SNX9: variants seen among roughly 807,000 people sequenced by gnomAD.
SNX9 encodes sorting nexin-9.
In SNX9, 44 loss-of-function variants were observed where a neutral mutation model predicts 89.4. The observed-to-expected ratio is 0.49, with a 90% CI of 0.39 to 0.63. The LOEUF (loss-of-function observed/expected upper bound fraction) is 0.63, where lower values mean the gene tolerates loss of function less well. Among genes scored for constraint, SNX9 ranks in the 30% least tolerant of loss-of-function variants. The pLI is 0.00. For missense variants in SNX9, 578 were observed against 736.1 expected (o/e 0.79, Z 2.49); for synonymous variants, 236 against 247.8 (o/e 0.95, Z 0.45).
chr6:157,823,380 C>T lies in SNX9; in HGVS notation c.-55C>T. 1 of 1,271,220 alleles carries T rather than the reference C, an allele frequency of 7.9e-7. No homozygotes were observed. Among genetic ancestry groups the T allele is most frequent in the Non-Finnish European group, 1.0e-6 (1 of 1,000,380 alleles). 78.7% of individuals were successfully genotyped at this position (1,271,220 alleles called of 1,614,324 possible). A position where few individuals can be genotyped will look rare whatever the true frequency, so the allele number is the denominator to read the frequency against. ...CCTTTGCCTGCGCGGCTCAGAATCA[C>T]CATCCGCGGCGCGGGAGACGAGCCG... is the stretch of plus-strand genomic sequence containing the variant. On this transcript the variant is annotated 5_prime_UTR_variant, in exon 1 of 18. Transcript: ENST00000392185. The surrounding 1 kb of genome is among the most constrained non-coding windows in gnomAD (Gnocchi z 4.6).
At chr6:157,863,656 A>G (rs73024638) in intron 1 of SNX9, among the ~76,000 whole-genome samples, 1 of 152,168 alleles carries the variant, frequency 6.6e-6, no homozygotes, top group East Asian at 1.9e-4. Flanking sequence ...TGGAAAATAG[A>G]TGGCAGTTGG....
chr6:157,934,233 A>G (rs1468938846), intron 13 of SNX9: 2 of 152,238 alleles, frequency 1.3e-5, no homozygotes, highest in Non-Finnish European at 2.9e-5. Flanking sequence ...CCCCTGCACA[A>G]AACCATGAAA....
chr6:157,871,852 C>G (rs1010905167), intron 2 of SNX9, among the ~76,000 whole-genome samples: 1 of 148,488 alleles, frequency 6.7e-6, no homozygotes, highest in Admixed American at 6.7e-5. Context: ...TCTTGGCTCA[C>G]TGTAACCTCT....
intron 1 of SNX9, among the ~76,000 whole-genome samples, chr6:157,860,646 G>A (rs1782102872): frequency 6.6e-6 from 1 of 152,138 alleles, no homozygotes; most frequent in African/African-American, 2.4e-5. Context: ...GGTGAGTGTG[G>A]GTAGAATGAC....
chr6:157,938,600 T>C, intron 15 of SNX9, 33 bp from the exon 16 acceptor site: 1 of 1,405,804 alleles, frequency 7.1e-7, no homozygotes, highest in Non-Finnish European at 1.0e-6. Context: ...TCATTTCAGC[T>C]TTATTCATAC....
intron 1 of SNX9, among the ~76,000 whole-genome samples, chr6:157,824,248 A>G (rs558862062): frequency 2.8e-4 from 42 of 152,304 alleles, no homozygotes; most frequent in African/African-American, 1.0e-3. Context: ...TGAATTTTCA[A>G]AAGCCACCCT....
chr6:157,884,882 A>G (rs760841668), intron 4 of SNX9, among the ~76,000 whole-genome samples: 4 of 152,180 alleles, frequency 2.6e-5, no homozygotes, highest in Non-Finnish European at 5.9e-5. Context: ...TTAACCTTAA[A>G]ACTGCAGTGA....
chr6:157,893,987 G>A (rs1347710441), intron 4 of SNX9, among the ~76,000 whole-genome samples: 1 of 152,080 alleles, frequency 6.6e-6, no homozygotes, highest in African/African-American at 2.4e-5. Context: ...GATGAAGGCG[G>A]CATTTCAAAT....
chr6:157,848,710 G>T (rs540564324), intron 1 of SNX9, among the ~76,000 whole-genome samples: 41 of 152,324 alleles, frequency 2.7e-4, no homozygotes, highest in African/African-American at 9.4e-4. Context: ...TGCTGAGCAG[G>T]ACTGACAGGG....
At chr6:157,904,439 A>T (rs1783168939) in intron 6 of SNX9, among the ~76,000 whole-genome samples, 1 of 152,032 alleles carries the variant, frequency 6.6e-6, no homozygotes, top group Non-Finnish European at 1.5e-5. Context: ...CTCCAAAAAA[A>T]AAATAAAAGG....
chr6:157,839,201 G>A (rs924215500), intron 1 of SNX9, among the ~76,000 whole-genome samples: 1 of 152,206 alleles, frequency 6.6e-6, no homozygotes, highest in South Asian at 2.1e-4. Flanking sequence ...TGTTATATGT[G>A]TGTGGGGATG....
rs1234433258 is a variant in SNX9, at chr6:157,861,596, A to G, written c.13-5951A>G. 2.0e-5 allele frequency among the ~76,000 whole-genome samples: 3 copies of G among 152,350 alleles called. No individual in the cohort carries two copies. In the East Asian group the frequency reaches 5.8e-4, roughly 29 times the overall value. ...CTATAATATTCTGTATTTAGTTCAC[A>G]TAACAGTGGAGTAAGCGCAAGGTTG... On this transcript the variant is annotated intron_variant, in intron 1 of 17. Coordinates refer to ENST00000392185, the MANE Select transcript of SNX9 (RefSeq NM_016224.5).
Position 157,932,280 on chromosome 6 carries a change from T to C in SNX9, c.1366+8T>C. 1 of 1,613,862 alleles carries C rather than the reference T, an allele frequency of 6.2e-7. No individual in the cohort carries two copies. Among genetic ancestry groups the C allele is most frequent in the Non-Finnish European group, 8.5e-7 (1 of 1,179,766 alleles). On this transcript the variant is annotated splice_region_variant and intron_variant, in intron 13 of 17. Transcript: ENST00000392185. Reference sequence around the variant, plus strand: ...GTTCCAGTGGCTATCAAGGTGCGTCTTTCTTCATTCATCCAGTGGGCCTTT... The same window carrying C: ...GTTCCAGTGGCTATCAAGGTGCGTCCTTCTTCATTCATCCAGTGGGCCTTT...
chr6:157,908,808 C>A (rs1562614095), intron 7 of SNX9, among the ~76,000 whole-genome samples: 1 of 152,242 alleles, frequency 6.6e-6, no homozygotes, highest in Non-Finnish European at 1.5e-5. Context: ...CCTCCCACCA[C>A]AACTAAAACC....
At chr6:157,841,559 A>G (rs1172221831) in intron 1 of SNX9, among the ~76,000 whole-genome samples, 2 of 152,080 alleles carry the variant, frequency 1.3e-5, no homozygotes, top group Non-Finnish European at 1.5e-5. Flanking sequence ...TGCACAGCCC[A>G]TGTGGGGTGT....
In SNX9 at chr6:157,834,000, G is replaced by C. The variant is rs1356518069; in HGVS notation, c.12+10554G>C. Among the ~76,000 whole-genome samples, 2 of 152,038 alleles carry C rather than the reference G, an allele frequency of 1.3e-5. 1 individual carries two copies. Among genetic ancestry groups the C allele is most frequent in the Admixed American group, 1.3e-4 (2 of 15,252 alleles). On this transcript the variant is annotated intron_variant, in intron 1 of 17. Coordinates refer to ENST00000392185, the MANE Select transcript of SNX9 (RefSeq NM_016224.5). Reference sequence around the variant, plus strand: ...TCTCTCCACGCTGGGGGCTACGTCAGGTTTTGTACTTAGAGGTAATGAGGC... The same window carrying C: ...TCTCTCCACGCTGGGGGCTACGTCACGTTTTGTACTTAGAGGTAATGAGGC...
At chr6:157,834,271 G>A (rs1173113351) in intron 1 of SNX9, among the ~76,000 whole-genome samples, 1 of 143,724 alleles carries the variant, frequency 7.0e-6, no homozygotes, top group African/African-American at 2.6e-5. Context: ...GGGCTCCAGC[G>A]ATCCTCTCAC....
At chr6:157,933,587 AC>A (rs2115211560) in intron 13 of SNX9, among the ~76,000 whole-genome samples, 1 of 152,328 alleles carries the variant, frequency 6.6e-6, no homozygotes, top group Admixed American at 6.5e-5. Context: ...TAGACTGGGA[AC>A]TCAAGGCCAG....
intron 15 of SNX9, among the ~76,000 whole-genome samples, chr6:157,937,807 C>G (rs532208598): frequency 2.5e-4 from 38 of 152,262 alleles, no homozygotes; most frequent in Admixed American, 3.9e-4. Flanking sequence ...TTATGATGTA[C>G]TTGGATTTGT....
Sources: allele counts gnomAD v4.1 joint callset (sites outside exome capture counted in the v4.1 genomes callset), GRCh38; gene constraint gnomAD v4.1.1; non-coding constraint Gnocchi (gnomAD v3.1); transcripts MANE v1.5; gene names NCBI Gene and HGNC (gene_info 2026-07-23, HGNC 2026-07-21).